DGKB: variants seen among roughly 807,000 people sequenced by gnomAD.
The protein encoded by DGKB is 90 kDa diacylglycerol kinase.
DGKB carries 67 observed loss-of-function variants against 114.3 expected under a neutral mutation model. That is an observed-to-expected ratio of 0.59 (90% CI 0.48 to 0.72). The LOEUF (loss-of-function observed/expected upper bound fraction) is 0.72, where lower values mean the gene tolerates loss of function less well. Ranked by LOEUF, DGKB falls within the 30% of genes least tolerant of loss-of-function variation. The pLI, the probability that DGKB is intolerant of heterozygous loss-of-function variation, is 0.00. For synonymous variants in DGKB, 398 were observed against 323.1 expected (o/e 1.23, Z -2.49); for missense variants, 907 against 975.2 (o/e 0.93, Z 0.93).
chr7:14,601,537 T>C (rs1334332255), intron 17 of DGKB, among the ~76,000 whole-genome samples: 1 of 152,192 alleles, frequency 6.6e-6, no homozygotes, highest in Non-Finnish European at 1.5e-5. Context: ...ATTTGTCAAA[T>C]CCTTAATTTT....
At chr7:14,640,515 T>C (rs1403904608) in intron 13 of DGKB, among the ~76,000 whole-genome samples, 2 of 152,022 alleles carry the variant, frequency 1.3e-5, no homozygotes, top group African/African-American at 4.8e-5. Flanking sequence ...CTCTTTAGAG[T>C]ATTAGCAACA....
chr7:14,816,194 C>G (rs1844124051), intron 2 of DGKB, among the ~76,000 whole-genome samples: 1 of 152,004 alleles, frequency 6.6e-6, no homozygotes, highest in Non-Finnish European at 1.5e-5. Flanking sequence ...ATTAGCTGGA[C>G]ATAGTGGCAT....
intron 13 of DGKB, among the ~76,000 whole-genome samples, chr7:14,633,719 A>C (rs1810196612): frequency 6.6e-6 from 1 of 151,744 alleles, no homozygotes; most frequent in Non-Finnish European, 1.5e-5. Flanking sequence ...TTAATACAGA[A>C]ACTGTATATT....
At chr7:14,949,996 A>G (rs6950005) in intron 1 of DGKB, among the ~76,000 whole-genome samples, 51,273 of 151,682 alleles carry the variant, frequency 0.34, 10,282 homozygotes, top group East Asian at 0.87. Context: ...AGATATACCT[A>G]ATGTAAATGA....
intron 1 of DGKB, among the ~76,000 whole-genome samples, chr7:14,891,475 G>T (rs1396810100): frequency 6.6e-6 from 1 of 151,428 alleles, no homozygotes; most frequent in Non-Finnish European, 1.5e-5. Flanking sequence ...CGGAAAAGCA[G>T]CACTGAAAGA....
chr7:14,161,967 A>T (rs1453743671), intron 25 of DGKB, among the ~76,000 whole-genome samples: 2 of 152,192 alleles, frequency 1.3e-5, no homozygotes, highest in Non-Finnish European at 2.9e-5. Context: ...ATTTTTATTT[A>T]AAATTAGTAT....
At chr7:14,691,894 AG>A (rs1335994738) in intron 9 of DGKB, among the ~76,000 whole-genome samples, 1 of 150,712 alleles carries the variant, frequency 6.6e-6, no homozygotes, top group Non-Finnish European at 1.5e-5. Flanking sequence ...TCTCCTATTT[AG>A]CTCCAGACAC....
chr7:14,886,454 CAA>C (rs1252555807), intron 1 of DGKB, among the ~76,000 whole-genome samples: 1 of 151,680 alleles, frequency 6.6e-6, no homozygotes, highest in Non-Finnish European at 1.5e-5. Flanking sequence ...AACAGCAAAC[CAA>C]AGACTCCTGC....
At chr7:14,560,652 T>A (rs1796524593) in intron 20 of DGKB, among the ~76,000 whole-genome samples, 1 of 152,226 alleles carries the variant, frequency 6.6e-6, no homozygotes, top group Non-Finnish European at 1.5e-5. Flanking sequence ...TATAGCAAAG[T>A]GTGCTGCAAT....
Position 14,435,332 on chromosome 7 carries a change from T to A in DGKB, c.1835+42829A>T, listed in dbSNP as rs114644402. Among the ~76,000 whole-genome samples, 843 of 151,772 alleles carry A rather than the reference T, an allele frequency of 5.6e-3. 7 individuals are homozygous for A. Among genetic ancestry groups the A allele is most frequent in the African/African-American group, 0.019 (802 of 41,394 alleles). On this transcript the variant is annotated intron_variant, in intron 21 of 25. Coordinates refer to ENST00000402815, the MANE Select transcript of DGKB (RefSeq NM_001350709.2). ...TATGTGATTTGAACAAAATACAGAGTTCAGGAGAAGAACGCAGTATGTAGA... is the reference window on the plus strand; with the variant it reads ...TATGTGATTTGAACAAAATACAGAGATCAGGAGAAGAACGCAGTATGTAGA...
intron 13 of DGKB, among the ~76,000 whole-genome samples, chr7:14,652,230 C>T (rs1174150861): frequency 6.6e-6 from 1 of 151,500 alleles, no homozygotes; most frequent in Non-Finnish European, 1.5e-5. Flanking sequence ...GGAGGCATCA[C>T]ACTACCTGAC....
intron 2 of DGKB, among the ~76,000 whole-genome samples, chr7:14,823,971 C>G (rs1845306007): frequency 6.6e-6 from 1 of 152,138 alleles, no homozygotes; most frequent in Admixed American, 6.5e-5. Context: ...CTCATAGTTC[C>G]ACATGGCTGG....
At chr7:14,966,812 T>A (rs1787181353) in intron 1 of DGKB, among the ~76,000 whole-genome samples, 1 of 152,130 alleles carries the variant, frequency 6.6e-6, no homozygotes, top group Non-Finnish European at 1.5e-5. Flanking sequence ...TAATTGAGAA[T>A]CAGAGAAGGG....
At chr7:14,635,683 G>GTGTATA (rs1283698118) in intron 13 of DGKB, among the ~76,000 whole-genome samples, 2 of 151,530 alleles carry the variant, frequency 1.3e-5, no homozygotes, top group African/African-American at 4.8e-5. Flanking sequence ...ATTTATGAAT[G>GTGTATA]TGTATATGTA....
intron 23 of DGKB, among the ~76,000 whole-genome samples, chr7:14,240,642 AG>A (rs1487588791): frequency 3.3e-5 from 5 of 152,046 alleles, no homozygotes; most frequent in African/African-American, 4.8e-5. Flanking sequence ...CCTCCCCAAG[AG>A]AAAGATCTTT....
chr7:14,725,554 T>C (rs1829895281), intron 5 of DGKB, among the ~76,000 whole-genome samples: 1 of 151,884 alleles, frequency 6.6e-6, no homozygotes. Context: ...AAAGGATATG[T>C]TGATTTTTTT....
At chr7:14,932,949 G>T (rs1423798100) in intron 1 of DGKB, among the ~76,000 whole-genome samples, 3 of 152,140 alleles carry the variant, frequency 2.0e-5, no homozygotes, top group African/African-American at 7.2e-5. Context: ...ATACCAAATG[G>T]CACTGGAGCT....
intron 21 of DGKB, among the ~76,000 whole-genome samples, chr7:14,359,836 A>G (rs1201490686): frequency 6.6e-6 from 1 of 152,236 alleles, no homozygotes; most frequent in Non-Finnish European, 1.5e-5. Flanking sequence ...GAGGACGTGG[A>G]GAAACAGGAA....
At chr7:14,648,607 T>C (rs376823005) in intron 13 of DGKB, among the ~76,000 whole-genome samples, 12 of 152,148 alleles carry the variant, frequency 7.9e-5, no homozygotes, top group African/African-American at 2.7e-4. Context: ...TCCAAAGGAA[T>C]GCAGTTCCTC....
Sources: allele counts gnomAD v4.1 joint callset (sites outside exome capture counted in the v4.1 genomes callset), GRCh38; gene constraint gnomAD v4.1.1; transcripts MANE v1.5; gene names NCBI Gene and HGNC (gene_info 2026-07-23, HGNC 2026-07-21).